Variants in GABRB1 observed in about 807,000 individuals in gnomAD.
GABRB1 encodes the protein gamma-aminobutyric acid type A receptor subunit beta1.
In GABRB1, 17 loss-of-function variants were observed where a neutral mutation model predicts 51.6. The observed-to-expected ratio is 0.33, with a 90% confidence interval of 0.23 to 0.49. The LOEUF is 0.49. GABRB1 is among the 20% of genes least tolerant of loss of function. The pLI, the probability that GABRB1 is intolerant of heterozygous loss-of-function variation, is 0.99. For missense variants in GABRB1, 410 were observed against 600.6 expected (o/e 0.68, Z 3.32); for synonymous variants, 247 against 218.9 (o/e 1.13, Z -1.14).
chr4:47,315,166 T>C (rs1262813428), intron 4 of GABRB1, among the ~76,000 whole-genome samples: 1 of 151,966 alleles, frequency 6.6e-6, no homozygotes, highest in Admixed American at 6.6e-5. Context: ...ATCCAGAATA[T>C]ATAAAGAACT....
chr4:47,220,201 ACTT>A (rs1344838254), intron 4 of GABRB1, among the ~76,000 whole-genome samples: 8 of 151,992 alleles, frequency 5.3e-5, no homozygotes, highest in Middle Eastern at 6.8e-3. Flanking sequence ...TTCCAGACTG[ACTT>A]CTTATTTCAA....
intron 4 of GABRB1, among the ~76,000 whole-genome samples, chr4:47,251,318 A>G (rs1161793704): frequency 6.6e-6 from 1 of 152,144 alleles, no homozygotes; most frequent in Non-Finnish European, 1.5e-5. Context: ...TCTTTCAGTC[A>G]TAGATACCAG....
At chr4:47,179,838 G>T (rs1718868741) in intron 4 of GABRB1, among the ~76,000 whole-genome samples, 1 of 151,992 alleles carries the variant, frequency 6.6e-6, no homozygotes, top group Non-Finnish European at 1.5e-5. Flanking sequence ...CTATTTTCTG[G>T]TTTTCTTCCC....
chr4:47,419,003 CCTAAATACATTAAAAGATATATACAGCT>C (rs1457858487), intron 8 of GABRB1, among the ~76,000 whole-genome samples: 6 of 152,118 alleles, frequency 3.9e-5, no homozygotes, highest in African/African-American at 1.4e-4. Context: ...GTCATATTTT[CCTAAATACATTAAAAGATATATACAGCT>C]CTCTTTTTTC....
chr4:47,191,323 T>A (rs746283373), intron 4 of GABRB1, among the ~76,000 whole-genome samples: 1 of 152,170 alleles, frequency 6.6e-6, no homozygotes, highest in African/African-American at 2.4e-5. Flanking sequence ...GTTTATTTCT[T>A]ATTTTTCAGT....
chr4:47,157,689 A>G (rs1717763981), intron 3 of GABRB1, among the ~76,000 whole-genome samples: 1 of 152,084 alleles, frequency 6.6e-6, no homozygotes, highest in Non-Finnish European at 1.5e-5. Flanking sequence ...CTTTATATAG[A>G]TTGTAGAAAA....
chr4:47,101,524 CTTTTT>C (rs1260269636), intron 3 of GABRB1, among the ~76,000 whole-genome samples: 1 of 151,732 alleles, frequency 6.6e-6, no homozygotes, highest in Admixed American at 6.6e-5. Context: ...ATTTTAACCT[CTTTTT>C]TTTGTTTTGG....
chr4:47,373,811 T>A (rs1273490808), intron 5 of GABRB1, among the ~76,000 whole-genome samples: 1 of 152,138 alleles, frequency 6.6e-6, no homozygotes, highest in Non-Finnish European at 1.5e-5. Flanking sequence ...TAAAATTTGG[T>A]AAGTGCAAAG....
chr4:47,324,224 G>A (rs545200896), intron 5 of GABRB1, among the ~76,000 whole-genome samples: 2 of 151,972 alleles, frequency 1.3e-5, no homozygotes, highest in Non-Finnish European at 2.9e-5. Flanking sequence ...CCACCATTCC[G>A]AGTTAGTTCT....
chr4:47,067,150 A>T (rs576011027), intron 3 of GABRB1, among the ~76,000 whole-genome samples: 1 of 152,292 alleles, frequency 6.6e-6, no homozygotes, highest in South Asian at 2.1e-4. Context: ...TGAGAAGTAG[A>T]TCTTAACAAT....
chr4:47,203,315 G>A (rs900824293), intron 4 of GABRB1, among the ~76,000 whole-genome samples: 6 of 152,062 alleles, frequency 3.9e-5, no homozygotes, highest in Non-Finnish European at 5.9e-5. Flanking sequence ...GTAAGGAGTC[G>A]TTCAACGTGT....
intron 5 of GABRB1, among the ~76,000 whole-genome samples, chr4:47,344,831 T>A (rs1726032299): frequency 6.6e-6 from 1 of 152,194 alleles, no homozygotes; most frequent in Non-Finnish European, 1.5e-5. Flanking sequence ...CAAGCGATTC[T>A]CATGCCTCAG....
At chr4:47,141,110 T>C (rs1716914344) in intron 3 of GABRB1, among the ~76,000 whole-genome samples, 1 of 151,832 alleles carries the variant, frequency 6.6e-6, no homozygotes, top group Non-Finnish European at 1.5e-5. Context: ...ACAACTAATA[T>C]CGCTATACTA....
chr4:47,384,253 A>T (rs1027401129), intron 5 of GABRB1, among the ~76,000 whole-genome samples: 1 of 152,036 alleles, frequency 6.6e-6, no homozygotes, highest in African/African-American at 2.4e-5. Flanking sequence ...CATTTTTATT[A>T]TATTTTTCTC....
chr4:47,420,463 T>C (rs1729057859), intron 8 of GABRB1, among the ~76,000 whole-genome samples: 1 of 152,200 alleles, frequency 6.6e-6, no homozygotes, highest in Non-Finnish European at 1.5e-5. Context: ...AATCTGCTGG[T>C]CTATACCTGC....
intron 3 of GABRB1, among the ~76,000 whole-genome samples, chr4:47,116,954 A>G (rs1366796578): frequency 6.6e-6 from 1 of 152,026 alleles, no homozygotes; most frequent in Non-Finnish European, 1.5e-5. Flanking sequence ...AAATAACCAG[A>G]TCTCATGAGA....
At chr4:47,109,754 G>A (rs970785586) in intron 3 of GABRB1, among the ~76,000 whole-genome samples, 1 of 152,126 alleles carries the variant, frequency 6.6e-6, no homozygotes, top group African/African-American at 2.4e-5. Context: ...GGTGTTATCT[G>A]CATATAGAAA....
chr4:47,296,047 C>G (rs1723978940), intron 4 of GABRB1, among the ~76,000 whole-genome samples: 1 of 152,072 alleles, frequency 6.6e-6, no homozygotes, highest in South Asian at 2.1e-4. Context: ...ACTTTACAGA[C>G]AAGCAAATGC....
At chr4:47,084,619 G>A (rs761329008) in intron 3 of GABRB1, among the ~76,000 whole-genome samples, 6 of 152,132 alleles carry the variant, frequency 3.9e-5, no homozygotes, top group Non-Finnish European at 8.8e-5. Context: ...AATAGTTTTT[G>A]TAATGGCAGA....
Sources: allele counts gnomAD v4.1 joint callset (sites outside exome capture counted in the v4.1 genomes callset), GRCh38; gene constraint gnomAD v4.1.1; transcripts MANE v1.5; gene names NCBI Gene and HGNC (gene_info 2026-07-23, HGNC 2026-07-21).